Variants in PRPF8 observed in about 807,000 individuals in gnomAD.
PRPF8 encodes pre-mRNA processing factor 8, also known as pre-mRNA-processing-splicing factor 8.
A neutral mutation model predicts 285.9 loss-of-function variants in PRPF8; 64 were observed. The observed-to-expected ratio is 0.22, with a 90% CI of 0.18 to 0.28. The LOEUF (loss-of-function observed/expected upper bound fraction) is 0.28. Ranked by LOEUF, PRPF8 falls within the 10% of genes least tolerant of loss-of-function variation. PRPF8 has a pLI of 1.00. For synonymous variants in PRPF8, 1,325 were observed against 1,118.2 expected (o/e 1.18, Z -3.69); for missense variants, 1,426 against 3,026.7 (o/e 0.47, Z 12.41).
intron 4 of PRPF8, 25 bp downstream of exon 4, chr17:1,682,104 C>G (rs766822433): frequency 1.9e-6 from 3 of 1,613,470 alleles, no homozygotes; most frequent in Admixed American, 3.3e-5. Flanking sequence ...ACCACCACCA[C>G]CCACCATATT....
chr17:1,675,495 A>C lies in PRPF8; in HGVS notation c.2872+125T>G. 2 of 1,460,384 alleles carry C rather than the reference A, an allele frequency of 1.4e-6. No individual in the cohort carries two copies. Among genetic ancestry groups the C allele is most frequent in the Non-Finnish European group, 1.9e-6 (2 of 1,044,200 alleles). The allele number at this position is 1,460,384 out of a possible 1,614,324, so 90.5% of individuals were successfully genotyped here. ...ATGGGCTTTTCCTCAGTTTAACACGAACACTACTTCCCTTTACTACCACGC... is the reference window on the plus strand; with the variant it reads ...ATGGGCTTTTCCTCAGTTTAACACGCACACTACTTCCCTTTACTACCACGC... On this transcript the variant is annotated intron_variant, in intron 19 of 42. Coordinates refer to ENST00000304992, the MANE Select transcript of PRPF8 (RefSeq NM_006445.4). This position sits in a 1 kb window ranked among gnomAD's most constrained non-coding sequence, Gnocchi z 6.0.
intron 36 of PRPF8, 118 bp from the exon 37 acceptor site, chr17:1,655,661 C>CAAA: frequency 1.1e-6 from 1 of 892,266 alleles, no homozygotes; most frequent in Non-Finnish European, 1.8e-6. Flanking sequence ...GAGTCTTGCT[C>CAAA]TGTCGCCCAG....
At chr17:1,672,670 G>A (rs1214375372) in intron 24 of PRPF8, among the ~76,000 whole-genome samples, 1 of 152,058 alleles carries the variant, frequency 6.6e-6, no homozygotes, top group East Asian at 1.9e-4. Flanking sequence ...GTTGCCTTCG[G>A]CTGGGCCTCT....
At position 1,676,609 on chromosome 17, in the gene PRPF8, G is replaced by A. The variant is rs1335847874; in HGVS notation, c.2284C>T (p.Arg762Cys). 3.7e-6 allele frequency: 6 copies of A among 1,614,018 alleles called. No individual in the cohort carries two copies. The highest frequency in any genetic ancestry group is 1.3e-5 in the African/African-American group (1 of 74,916). ...GTCTTGTCCACAGTGGCCCCTCGGCGGATCCGTTCTCGGTTGTAGTGGGCA... is the reference window on the plus strand; with the variant it reads ...GTCTTGTCCACAGTGGCCCCTCGGCAGATCCGTTCTCGGTTGTAGTGGGCA... ...NTAHYNRERIRRGATVDKTVC... is the reference protein window; with the variant it reads ...NTAHYNRERICRGATVDKTVC... The change falls in exon 16 of 43, where the codon CGC (arginine) becomes TGC (cysteine). Residue 762 changes from arginine to cysteine, a missense_variant. Transcript: ENST00000304992. The surrounding 1 kb of genome is among the most constrained non-coding windows in gnomAD (Gnocchi z 6.3).
At position 1,653,401 on chromosome 17, in the gene PRPF8, G is replaced by A. The variant is rs138319510; in HGVS notation, c.6369+141C>T. The A allele has an allele frequency of 6.5e-4, 786 of 1,210,572 alleles. 3 individuals carry two copies. In the African/African-American group the frequency reaches 8.8e-3, roughly 13 times the overall value. The allele number at this position is 1,210,572 out of a possible 1,614,324, so 75.0% of individuals were successfully genotyped here. On this transcript the variant is annotated intron_variant, in intron 39 of 42. Coordinates refer to ENST00000304992, the MANE Select transcript of PRPF8 (RefSeq NM_006445.4). This position sits in a 1 kb window ranked among gnomAD's most constrained non-coding sequence, Gnocchi z 4.9. The stretch of plus-strand genomic sequence containing the variant: ...ATCTCATGGGGCCAAAACCCACCTC[G>A]TTGTTTTGGCTATCCTTGTATAATT...
chr17:1,667,474 TTA>T (rs1912055695), intron 24 of PRPF8, among the ~76,000 whole-genome samples: 1 of 151,952 alleles, frequency 6.6e-6, no homozygotes, highest in Non-Finnish European at 1.5e-5. Flanking sequence ...GGTAAGAAAT[TTA>T]TATATGTTAT....
chr17:1,681,793 G>A, intron 5 of PRPF8, 27 bp downstream of exon 5: 1 of 1,612,860 alleles, frequency 6.2e-7, no homozygotes, highest in Non-Finnish European at 8.5e-7. Context: ...ACTCCTCCCA[G>A]GTGTAGTATC....
At chr17:1,666,083 G>A (rs763633885) in intron 24 of PRPF8, among the ~76,000 whole-genome samples, 1 of 145,112 alleles carries the variant, frequency 6.9e-6, no homozygotes, top group African/African-American at 2.5e-5. Flanking sequence ...GGAGAATGGC[G>A]TGAACCCGGG....
rs1913128412 is a variant in PRPF8 at position 1,684,518 on chromosome 17, T to C, written c.54A>G (p.Leu18=). 6.2e-7 allele frequency: 1 copy of C among 1,612,598 alleles called. No homozygotes were observed. Among genetic ancestry groups the C allele is most frequent in the Non-Finnish European group, 8.5e-7 (1 of 1,179,834 alleles). Residue 18 remains leucine, a synonymous_variant, in exon 2 of 43, where the codon CTA becomes CTG. Coordinates refer to ENST00000304992, the MANE Select transcript of PRPF8 (RefSeq NM_006445.4). ...RGPGNPVPGP[L]APLPDYMSEE... ...CCGACATGTAGTCCGGTAGCGGGGC[T>C]AGAGGGCCAGGCACCGGGTTACCCG...
chr17:1,681,194 G>A (rs978730331), intron 6 of PRPF8, 140 bp from the exon 7 acceptor site: 3 of 976,774 alleles, frequency 3.1e-6, no homozygotes, highest in Non-Finnish European at 4.7e-6. Context: ...TCCTCCCACA[G>A]CTCAGCTTCC....
chr17:1,681,307 C>T (rs1402443437), intron 6 of PRPF8, among the ~76,000 whole-genome samples, 171 bp downstream of exon 6: 2 of 152,138 alleles, frequency 1.3e-5, no homozygotes, highest in Admixed American at 1.3e-4. Flanking sequence ...TCTCAAACTT[C>T]TGGGCTCAAG....
In PRPF8 at chr17:1,654,307, T is replaced by C. The variant is rs963871940; in HGVS notation, c.5988-291A>G. Reference sequence around the variant, plus strand: ...TCTGGCATGGAACTGTTCTCAGAAATGGAAACCCCAGAAACCCTAGAATAC... The same window carrying C: ...TCTGGCATGGAACTGTTCTCAGAAACGGAAACCCCAGAAACCCTAGAATAC... On this transcript the variant is annotated intron_variant, in intron 37 of 42. Transcript: ENST00000304992. 20 of 564,526 alleles carry C rather than the reference T, an allele frequency of 3.5e-5. No homozygotes were observed. The African/African-American group carries it at 3.6e-4, about 10-fold the overall frequency. The allele number at this position is 564,526 out of a possible 1,614,324, so 35.0% of individuals were successfully genotyped here. A position where few individuals can be genotyped will look rare whatever the true frequency, so the allele number is the denominator to read the frequency against.
Position 1,673,796 on chromosome 17 carries a change from C to A in PRPF8, c.3396G>T (p.Lys1132Asn). 1.2e-6 allele frequency: 2 copies of A among 1,614,166 alleles called. No homozygotes were observed. Among genetic ancestry groups the A allele is most frequent in the Non-Finnish European group, 1.7e-6 (2 of 1,180,040 alleles). Residue 1132 changes from lysine to asparagine, a missense_variant, in exon 22 of 43, where the codon AAG becomes AAT. Lys to Asn is a moderately conservative substitution (Grantham distance 94). Around this residue, in one of 34 missense-constraint regions of PRPF8, gnomAD observed 148 missense variants for 196.2 expected, o/e 0.75. Coordinates refer to ENST00000304992, the MANE Select transcript of PRPF8 (RefSeq NM_006445.4). The surrounding 1 kb of genome is among the most constrained non-coding windows in gnomAD (Gnocchi z 5.5). ...NENIVGYNNK[K>N]CWPRDARMRL... ...GCATGCGGGCATCTCGGGGCCAGCA[C>A]TTCTTGTTATTATAGCCAACGATGT...
rs748295539 is a variant in PRPF8 at position 1,660,019 on chromosome 17, GAGATTA to G, written c.4786-24_4786-19del. 6.2e-7 allele frequency: 1 copy of G among 1,613,374 alleles called. No homozygotes were observed. The highest frequency in any genetic ancestry group is 1.1e-5 in the South Asian group (1 of 91,070). On this transcript the variant is annotated intron_variant, in intron 30 of 42. Transcript: ENST00000304992. Reference sequence around the variant, plus strand: ...TCAAACACCTGAAGGAAAACATGGAGAGATTAAGACTTGTTAAGGAAGCCCAATTAA... The same window carrying G: ...TCAAACACCTGAAGGAAAACATGGAGAGACTTGTTAAGGAAGCCCAATTAA...
Position 1,651,711 on chromosome 17 carries a change from C to T in PRPF8, c.6447G>A (p.Pro2149=), listed in dbSNP as rs140315637. The change falls in exon 40 of 43, where the codon CCG becomes CCA. Residue 2149 remains proline (P), a synonymous_variant. Coordinates refer to ENST00000304992, the MANE Select transcript of PRPF8 (RefSeq NM_006445.4). The surrounding 1 kb of genome is among the most constrained non-coding windows in gnomAD (Gnocchi z 5.1). ...GCACGGTCTGGTGAGTGCCCCACTG[C>T]GGCACCATCACAATGCAGCGGATCT... ...VKEIRCIVMV[P]QWGTHQTVHL... is the part of the protein sequence containing the mutation. The T allele has an allele frequency of 2.2e-5, 36 of 1,614,148 alleles. No individual in the cohort carries two copies. The highest frequency in any genetic ancestry group is 1.9e-4 in the African/African-American group (14 of 75,022).
chr17:1,660,134 A>T, intron 30 of PRPF8, 133 bp from the exon 31 acceptor site: 1 of 1,149,474 alleles, frequency 8.7e-7, no homozygotes, highest in African/African-American at 1.5e-5. Flanking sequence ...TATGCAAAAG[A>T]GCAAGCTGAG....
At position 1,684,336 on chromosome 17, in the gene PRPF8, G is replaced by A. The variant is rs1035271234; in HGVS notation, c.100+136C>T. 9.3e-5 allele frequency: 84 copies of A among 903,556 alleles called. No homozygotes were observed. The Middle Eastern group carries it at 9.3e-4, about 10-fold the overall frequency. 56.0% of individuals were successfully genotyped at this position (903,556 alleles called of 1,614,324 possible). A position where few individuals can be genotyped will look rare whatever the true frequency, so the allele number is the denominator to read the frequency against. On this transcript the variant is annotated intron_variant, in intron 2 of 42. Transcript: ENST00000304992. ...AAATAATACGCGCTTAAAATGACTT[G>A]ATGAAAAATTAACTGGAAATAACAA... is the stretch of plus-strand genomic sequence containing the variant.
At chr17:1,660,872 C>T in intron 28 of PRPF8, 45 bp from the exon 29 acceptor site, 9 of 1,613,016 alleles carry the variant, frequency 5.6e-6, no homozygotes, top group Non-Finnish European at 7.6e-6. Context: ...TGCCATTTCC[C>T]AGCACACTGC....
At position 1,678,639 on chromosome 17, in the gene PRPF8, A is replaced by G; in HGVS notation, c.1733T>C (p.Leu578Ser). Residue 578 changes from leucine (L) to serine (S), a missense_variant, in exon 13 of 43, where the codon TTG becomes TCG. Coordinates refer to ENST00000304992, the MANE Select transcript of PRPF8 (RefSeq NM_006445.4). Reference protein sequence around the residue: ...NVDAFQLADGLQYIFAHVGQL... With the variant: ...NVDAFQLADGSQYIFAHVGQL... ...CCCAACATGGGCAAATATATACTGC[A>G]ATCCATCTGCCAGCTGCAATACAAT... is the stretch of plus-strand genomic sequence containing the variant. 1 of 1,614,238 alleles carries G rather than the reference A, an allele frequency of 6.2e-7. No homozygotes were observed. Among genetic ancestry groups the G allele is most frequent in the Non-Finnish European group, 8.5e-7 (1 of 1,180,046 alleles).
Sources: allele counts gnomAD v4.1 joint callset (sites outside exome capture counted in the v4.1 genomes callset), GRCh38; gene constraint gnomAD v4.1.1; regional missense constraint gnomAD v4.1.1; non-coding constraint Gnocchi (gnomAD v3.1); transcripts MANE v1.5; gene names NCBI Gene and HGNC (gene_info 2026-07-23, HGNC 2026-07-21).